Variants in TRAM2 observed in about 807,000 individuals in gnomAD.
TRAM2 encodes translocating chain-associated membrane protein 2.
In TRAM2, 12 loss-of-function variants were observed where a neutral mutation model predicts 51.0. The observed-to-expected ratio is 0.24, with a 90% CI of 0.15 to 0.38. The LOEUF is 0.38. Ranked by LOEUF, TRAM2 falls within the 10% of genes least tolerant of loss-of-function variation. The pLI, the probability that TRAM2 is intolerant of heterozygous loss-of-function variation, is 1.00. For missense variants in TRAM2, 361 were observed against 462.0 expected (o/e 0.78, Z 2.00); for synonymous variants, 175 against 179.4 (o/e 0.98, Z 0.20).
intron 1 of TRAM2, among the ~76,000 whole-genome samples, chr6:52,547,075 G>C (rs1412088901): frequency 6.6e-6 from 1 of 152,192 alleles, no homozygotes. Flanking sequence ...TGGGAGTGTG[G>C]AGACAGAAGT....
chr6:52,506,109 C>T lies in TRAM2; in HGVS notation c.654G>A (p.Leu218=). ...LNLSRLGLIL[L]LLQYSTEFLF... Reference sequence around the variant, plus strand: ...GGAACTCAGTTGAGTACTGCAGCAGCAGCAAGATCAGGCCCAGGCGGCTCA... The same window carrying T: ...GGAACTCAGTTGAGTACTGCAGCAGTAGCAAGATCAGGCCCAGGCGGCTCA... The change falls in exon 8 of 11, where the codon CTG becomes CTA. Residue 218 remains leucine (L), a synonymous_variant. Coordinates refer to ENST00000182527, the MANE Select transcript of TRAM2 (RefSeq NM_012288.4). The T allele has an allele frequency of 6.2e-7, 1 of 1,614,102 alleles. No individual in the cohort carries two copies. Among genetic ancestry groups the T allele is most frequent in the Non-Finnish European group, 8.5e-7 (1 of 1,180,042 alleles).
intron 1 of TRAM2, among the ~76,000 whole-genome samples, chr6:52,551,121 G>A (rs186533775): frequency 1.3e-5 from 2 of 152,258 alleles, no homozygotes; most frequent in Admixed American, 1.3e-4. Flanking sequence ...TTTTTCAAGG[G>A]GGCCTTTACT....
rs200909798 is a variant in TRAM2, at chr6:52,576,832, G to C, written c.84C>G (p.Cys28Trp). The change falls in exon 1 of 11, where the codon TGC becomes TGG. Residue 28 changes from cysteine (C) to tryptophan (W), a missense_variant. Physicochemically the swap from Cys to Trp is radical, Grantham distance 215. Transcript: ENST00000182527. The stretch of plus-strand genomic sequence containing the variant: ...GCCCGATGAGGACGCAGAGCACCAG[G>C]CAGAAGCCGATGTCCGCATGGTTGT... Reference protein sequence around the residue: ...VIHNHADIGFCLVLCVLIGLM... With the variant: ...VIHNHADIGFWLVLCVLIGLM... 2 of 1,613,816 alleles carry C rather than the reference G, an allele frequency of 1.2e-6. No individual in the cohort carries two copies. Among genetic ancestry groups the C allele is most frequent in the Non-Finnish European group, 1.7e-6 (2 of 1,179,830 alleles).
At chr6:52,518,055 G>C (rs540075237) in intron 2 of TRAM2, among the ~76,000 whole-genome samples, 1 of 152,166 alleles carries the variant, frequency 6.6e-6, no homozygotes, top group Non-Finnish European at 1.5e-5. Flanking sequence ...CACCACCCCC[G>C]GTTGGAAAAC....
intron 4 of TRAM2, among the ~76,000 whole-genome samples, chr6:52,513,529 C>T (rs1268781701): frequency 6.6e-6 from 1 of 152,068 alleles, no homozygotes; most frequent in Non-Finnish European, 1.5e-5. Flanking sequence ...GCAGAAAATG[C>T]AAATTGGTGG....
At chr6:52,552,488 C>T (rs1056456680) in intron 1 of TRAM2, among the ~76,000 whole-genome samples, 10 of 152,334 alleles carry the variant, frequency 6.6e-5, no homozygotes, top group African/African-American at 2.2e-4. Flanking sequence ...GACCTGTTCC[C>T]TGACAGCTCA....
chr6:52,514,257 A>AT (rs904512832), intron 4 of TRAM2, among the ~76,000 whole-genome samples: 73 of 151,082 alleles, frequency 4.8e-4, no homozygotes, highest in Admixed American at 3.9e-4. Context: ...GAAAAATATT[A>AT]TTTTTTTAAA....
intron 1 of TRAM2, among the ~76,000 whole-genome samples, chr6:52,554,814 T>G (rs1008332622): frequency 2.0e-5 from 3 of 149,776 alleles, no homozygotes; most frequent in Non-Finnish European, 3.0e-5. Flanking sequence ...TGGGCCAGGC[T>G]GGAGTGCAGT....
chr6:52,561,074 T>C (rs368612362), intron 1 of TRAM2, among the ~76,000 whole-genome samples: 3 of 152,272 alleles, frequency 2.0e-5, no homozygotes, highest in South Asian at 2.1e-4. Flanking sequence ...GAAATACTGA[T>C]ACATGCTACA....
rs1261292836 is a variant in TRAM2 at position 52,548,543 on chromosome 6, T to G, written c.121-12697A>C. ...GAACTGCTCTGAACACTTACAGAAA[T>G]GATCTCACTTAATGCTCCCAGAGGC... On this transcript the variant is annotated intron_variant, in intron 1 of 10. Coordinates refer to ENST00000182527, the MANE Select transcript of TRAM2 (RefSeq NM_012288.4). Among the ~76,000 whole-genome samples, 4 of 152,224 alleles carry G rather than the reference T, an allele frequency of 2.6e-5. 1 individual carries two copies. Among genetic ancestry groups the G allele is most frequent in the Admixed American group, 2.6e-4 (4 of 15,290 alleles).
In TRAM2 at chr6:52,577,048, G is replaced by A. The variant is rs1184857636; in HGVS notation, c.-133C>T. ...TCCCACAGCCGCTCGCCCGCCCAGC[G>A]CGGAACAACTTCGGGGCCCGCCCCC... On this transcript the variant is annotated 5_prime_UTR_variant, in exon 1 of 11. Transcript: ENST00000182527. The A allele has an allele frequency of 6.6e-6, 7 of 1,058,590 alleles. No homozygotes were observed. The highest frequency in any genetic ancestry group is 5.1e-5 in the African/African-American group (3 of 58,982). 65.6% of individuals were successfully genotyped at this position (1,058,590 alleles called of 1,614,324 possible).
chr6:52,515,819 A>G lies in TRAM2; in HGVS notation c.411+187T>C. The G allele has an allele frequency of 5.0e-6, 3 of 603,214 alleles. No individual in the cohort carries two copies. The East Asian group carries it at 8.1e-5, about 16-fold the overall frequency. 37.4% of individuals were successfully genotyped at this position (603,214 alleles called of 1,614,324 possible). On this transcript the variant is annotated intron_variant, in intron 4 of 10. Transcript: ENST00000182527. ...CAGCTATAAAATGGCATCTCTCTGT[A>G]ATACCATGAGGATGCAAACATAGCT... is the stretch of plus-strand genomic sequence containing the variant.
At chr6:52,563,588 T>G (rs770619291) in intron 1 of TRAM2, among the ~76,000 whole-genome samples, 14 of 149,678 alleles carry the variant, frequency 9.4e-5, no homozygotes, top group South Asian at 2.1e-4. Flanking sequence ...GCGTGGTGGT[T>G]GGCGCCTCTA....
Position 52,498,964 on chromosome 6 carries a change from G to A in TRAM2, c.*4233C>T, listed in dbSNP as rs539183305. ...GTTGCCAAGCACGAAAGGCTACATG[G>A]AGACTGCAAATCCCAATGCTCGTCT... On this transcript the variant is annotated 3_prime_UTR_variant, in exon 11 of 11. Transcript: ENST00000182527. 1 of 152,474 alleles carries A rather than the reference G, an allele frequency of 6.6e-6. No individual in the cohort carries two copies. The highest frequency in any genetic ancestry group is 2.1e-4 in the South Asian group (1 of 4,822). 9.4% of individuals were successfully genotyped at this position (152,474 alleles called of 1,614,324 possible).
At chr6:52,568,297 C>G (rs1767623719) in intron 1 of TRAM2, among the ~76,000 whole-genome samples, 1 of 152,234 alleles carries the variant, frequency 6.6e-6, no homozygotes, top group African/African-American at 2.4e-5. Context: ...CAACTACCAC[C>G]TGTTCCTTTC....
At chr6:52,561,390 C>T (rs1459663531) in intron 1 of TRAM2, among the ~76,000 whole-genome samples, 1 of 152,188 alleles carries the variant, frequency 6.6e-6, no homozygotes, top group African/African-American at 2.4e-5. Context: ...TCAAATGATT[C>T]TCCTGCCTCA....
At chr6:52,570,349 G>A (rs1350977409) in intron 1 of TRAM2, among the ~76,000 whole-genome samples, 1 of 152,146 alleles carries the variant, frequency 6.6e-6, no homozygotes, top group Non-Finnish European at 1.5e-5. Flanking sequence ...GCCTCCAAGT[G>A]GAACAAAGAC....
At chr6:52,538,233 G>C (rs1332571861) in intron 1 of TRAM2, among the ~76,000 whole-genome samples, 1 of 152,228 alleles carries the variant, frequency 6.6e-6, no homozygotes, top group Non-Finnish European at 1.5e-5. Context: ...TCTCCCACTT[G>C]ATTTCATTCA....
At chr6:52,520,309 G>T (rs1482092223) in intron 2 of TRAM2, among the ~76,000 whole-genome samples, 3 of 152,212 alleles carry the variant, frequency 2.0e-5, no homozygotes, top group Non-Finnish European at 2.9e-5. Context: ...TACCCTAAAG[G>T]AATGAGAGCT....
Sources: gnomAD v4.1 joint callset for allele counts (sites outside exome capture counted in the v4.1 genomes callset) on GRCh38, gnomAD v4.1.1 for gene constraint, MANE v1.5 for transcripts, NCBI Gene and HGNC (gene_info 2026-07-23, HGNC 2026-07-21) for gene names.